CA10: variants seen among roughly 807,000 people sequenced by gnomAD.
CA10 encodes carbonic anhydrase-related protein 10.
A neutral mutation model predicts 44.2 loss-of-function variants in CA10; 14 were observed. The observed-to-expected ratio is 0.32, with a 90% CI of 0.21 to 0.50. The LOEUF (loss-of-function observed/expected upper bound fraction) is 0.50. Among genes scored for constraint, CA10 ranks in the 20% least tolerant of loss-of-function variants. The pLI, the probability that CA10 is intolerant of heterozygous loss-of-function variation, is 0.99. For missense variants in CA10, 350 were observed against 409.7 expected (o/e 0.85, Z 1.26); for synonymous variants, 159 against 141.6 (o/e 1.12, Z -0.87).
chr17:52,029,288 T>C (rs1431690457), intron 2 of CA10, among the ~76,000 whole-genome samples: 2 of 152,068 alleles, frequency 1.3e-5, no homozygotes, highest in Admixed American at 1.3e-4. Context: ...GATGAAAAAT[T>C]ATCATCTCAA....
At chr17:52,054,766 C>A (rs1256927240) in intron 2 of CA10, among the ~76,000 whole-genome samples, 2 of 151,798 alleles carry the variant, frequency 1.3e-5, no homozygotes, top group African/African-American at 4.8e-5. Flanking sequence ...GGGTGAATTT[C>A]CCCCGATAGA....
In CA10 at chr17:51,931,149, A is replaced by G; in HGVS notation, c.137-17T>C. ...AAGAAGGAACTAGAAACAAAAAGAA[A>G]TTATAGAATTAGGCTGAGTAGCAGG... On this transcript the variant is annotated splice_polypyrimidine_tract_variant and intron_variant, in intron 2 of 8. Coordinates refer to ENST00000451037, the MANE Select transcript of CA10 (RefSeq NM_020178.5). The G allele has an allele frequency of 6.2e-7, 1 of 1,612,704 alleles. No individual in the cohort carries two copies. The highest frequency in any genetic ancestry group is 8.5e-7 in the Non-Finnish European group (1 of 1,179,236).
intron 3 of CA10, among the ~76,000 whole-genome samples, chr17:51,907,919 T>A (rs1248899304): frequency 6.6e-6 from 1 of 152,158 alleles, no homozygotes; most frequent in Non-Finnish European, 1.5e-5. Flanking sequence ...AAAACCTTCA[T>A]GAAAACATAA....
chr17:51,783,183 C>T (rs537228187), intron 3 of CA10, among the ~76,000 whole-genome samples: 1 of 151,964 alleles, frequency 6.6e-6, no homozygotes, highest in African/African-American at 2.4e-5. Context: ...ATTTCAGGGA[C>T]AATGATAAGC....
intron 2 of CA10, among the ~76,000 whole-genome samples, chr17:52,019,882 T>C (rs1020992710): frequency 6.6e-5 from 10 of 151,938 alleles, no homozygotes; most frequent in African/African-American, 1.4e-4. Flanking sequence ...TTACTTACAG[T>C]GTAATATCAC....
Position 52,118,263 on chromosome 17 carries a change from C to T in CA10, c.61+39463G>A, listed in dbSNP as rs187602225. 2.4e-3 allele frequency among the ~76,000 whole-genome samples: 361 copies of T among 152,172 alleles called. 8 individuals are homozygous for T. In the South Asian group the frequency reaches 0.025, roughly 10 times the overall value. On this transcript the variant is annotated intron_variant, in intron 1 of 8. Transcript: ENST00000451037. ...TCACGTACTAGTAAAGGATAATGAG[C>T]GATTTTCATTTGCCTTGTGGATAGA... is the stretch of plus-strand genomic sequence containing the variant.
At chr17:51,926,676 C>G (rs993147911) in intron 3 of CA10, among the ~76,000 whole-genome samples, 1 of 152,178 alleles carries the variant, frequency 6.6e-6, no homozygotes, top group Non-Finnish European at 1.5e-5. Flanking sequence ...TGCTTCCATC[C>G]TCACGTCTCT....
At chr17:51,680,880 C>T (rs1914822492) in intron 4 of CA10, among the ~76,000 whole-genome samples, 1 of 152,024 alleles carries the variant, frequency 6.6e-6, no homozygotes, top group South Asian at 2.1e-4. Context: ...CAGATTGATG[C>T]TATTGCTTGG....
intron 1 of CA10, among the ~76,000 whole-genome samples, chr17:52,096,668 G>GATTT: frequency 6.6e-6 from 1 of 152,146 alleles, no homozygotes; most frequent in African/African-American, 2.4e-5. Context: ...AATGTACTAA[G>GATTT]ATTTATTTCT....
chr17:51,822,148 G>C (rs185765165), intron 3 of CA10, among the ~76,000 whole-genome samples: 1 of 152,102 alleles, frequency 6.6e-6, no homozygotes, highest in African/African-American at 2.4e-5. Flanking sequence ...CCTTGGCCAG[G>C]TGTGGTGGCT....
intron 2 of CA10, among the ~76,000 whole-genome samples, chr17:51,978,048 C>A (rs1471631939): frequency 1.3e-5 from 2 of 151,980 alleles, no homozygotes; most frequent in African/African-American, 4.8e-5. Context: ...GAATGATATA[C>A]CATGCTTAGG....
chr17:51,689,753 C>T (rs1915124912), intron 4 of CA10, among the ~76,000 whole-genome samples: 1 of 152,062 alleles, frequency 6.6e-6, no homozygotes. Context: ...TTTTTCCCTC[C>T]CTTTCTTCCT....
chr17:51,704,792 A>C (rs1414085115), intron 4 of CA10, among the ~76,000 whole-genome samples: 2 of 151,998 alleles, frequency 1.3e-5, no homozygotes, highest in African/African-American at 4.8e-5. Flanking sequence ...GCAAAACCCC[A>C]TCTCTGCTAA....
At chr17:51,726,009 C>T (rs1916507991) in intron 4 of CA10, among the ~76,000 whole-genome samples, 1 of 152,084 alleles carries the variant, frequency 6.6e-6, no homozygotes, top group African/African-American at 2.4e-5. Context: ...AGTAGTGATG[C>T]TGGTGGGGTT....
intron 1 of CA10, among the ~76,000 whole-genome samples, chr17:52,105,522 G>A (rs988055466): frequency 2.6e-5 from 4 of 152,110 alleles, no homozygotes; most frequent in Admixed American, 6.5e-5. Flanking sequence ...CCCAAAGTGC[G>A]TGAGCCACCA....
chr17:52,071,499 C>A (rs1317288673), intron 2 of CA10, among the ~76,000 whole-genome samples: 1 of 152,066 alleles, frequency 6.6e-6, no homozygotes, highest in Non-Finnish European at 1.5e-5. Flanking sequence ...ACCTGGGACT[C>A]TGCTCTTTCT....
intron 4 of CA10, among the ~76,000 whole-genome samples, chr17:51,671,347 G>A (rs1387217409): frequency 2.0e-5 from 3 of 152,072 alleles, no homozygotes; most frequent in Non-Finnish European, 4.4e-5. Context: ...TGCTGAAGGG[G>A]CTTTTTGATG....
At chr17:51,650,084 C>T (rs757027795) in intron 5 of CA10, among the ~76,000 whole-genome samples, 6 of 152,148 alleles carry the variant, frequency 3.9e-5, no homozygotes, top group Non-Finnish European at 7.4e-5. Flanking sequence ...GATCAGTTCC[C>T]ATTTTATGCC....
chr17:52,150,707 A>T (rs1002636710), intron 1 of CA10, among the ~76,000 whole-genome samples: 5 of 152,188 alleles, frequency 3.3e-5, no homozygotes, highest in African/African-American at 1.2e-4. Flanking sequence ...TACTTTGAGC[A>T]TCTGTTTTAT....
Sources: allele counts gnomAD v4.1 joint callset (sites outside exome capture counted in the v4.1 genomes callset), GRCh38; gene constraint gnomAD v4.1.1; transcripts MANE v1.5; gene names NCBI Gene and HGNC (gene_info 2026-07-23, HGNC 2026-07-21).